The following TAFA4 variants were observed in gnomAD, a reference collection of about 807,000 sequenced individuals.
TAFA4 encodes TAFA chemokine like family member 4, also known as chemokine-like protein TAFA-4.
A neutral mutation model predicts 21.1 loss-of-function variants in TAFA4; 20 were observed. The observed-to-expected ratio is 0.95, with a 90% CI of 0.67 to 1.38. TAFA4 has a LOEUF of 1.38. TAFA4 is among the 40% of genes most tolerant of loss of function. The probability of loss-of-function intolerance (pLI) is 0.00; values close to 1 mark genes in which losing one functional copy is unlikely to be tolerated. For missense variants in TAFA4, 211 were observed against 180.9 expected (o/e 1.17, Z -0.95); for synonymous variants, 71 against 67.4 (o/e 1.05, Z -0.26).
chr3:68,870,028 A>G (rs1254095775), intron 3 of TAFA4, among the ~76,000 whole-genome samples: 3 of 152,130 alleles, frequency 2.0e-5, no homozygotes, highest in Non-Finnish European at 4.4e-5. Context: ...ATACAAAATT[A>G]ACATATAAAA....
At chr3:68,916,386 T>C (rs553986980) in intron 1 of TAFA4, among the ~76,000 whole-genome samples, 1 of 152,324 alleles carries the variant, frequency 6.6e-6, no homozygotes, top group African/African-American at 2.4e-5. Flanking sequence ...TTCCCAGAAA[T>C]GGCCCTCAGT....
chr3:68,820,785 T>C (rs1704096168), intron 3 of TAFA4, among the ~76,000 whole-genome samples: 1 of 152,210 alleles, frequency 6.6e-6, no homozygotes, highest in African/African-American at 2.4e-5. Flanking sequence ...CCACAATGTA[T>C]AGCTATATCA....
At chr3:68,868,495 T>C (rs563796238) in intron 3 of TAFA4, among the ~76,000 whole-genome samples, 6 of 152,104 alleles carry the variant, frequency 3.9e-5, no homozygotes, top group Admixed American at 1.3e-4. Context: ...AGGTCACATG[T>C]TGAGTGACAA....
intron 1 of TAFA4, among the ~76,000 whole-genome samples, chr3:68,893,436 G>A (rs991354125): frequency 1.3e-5 from 2 of 152,092 alleles, no homozygotes; most frequent in Non-Finnish European, 2.9e-5. Flanking sequence ...CTTGCATACC[G>A]TGGAAGTTAA....
chr3:68,743,766 C>T (rs1334740016), intron 4 of TAFA4, among the ~76,000 whole-genome samples: 1 of 152,102 alleles, frequency 6.6e-6, no homozygotes, highest in Non-Finnish European at 1.5e-5. Context: ...AAAACCAGAG[C>T]TTCCCTCAGA....
intron 3 of TAFA4, among the ~76,000 whole-genome samples, chr3:68,852,348 A>T (rs1388718784): frequency 6.6e-6 from 1 of 151,910 alleles, no homozygotes; most frequent in Non-Finnish European, 1.5e-5. Context: ...CCCAGAACAT[A>T]CTCGTATTTG....
At chr3:68,861,220 G>A (rs1384754178) in intron 3 of TAFA4, among the ~76,000 whole-genome samples, 1 of 151,692 alleles carries the variant, frequency 6.6e-6, no homozygotes, top group Admixed American at 6.6e-5. Context: ...ATTGCTAAGG[G>A]AATCCAGAAG....
At chr3:68,893,839 T>C (rs1486399075) in intron 1 of TAFA4, among the ~76,000 whole-genome samples, 1 of 152,210 alleles carries the variant, frequency 6.6e-6, no homozygotes, top group East Asian at 1.9e-4. Context: ...TGCCCTCCTG[T>C]GGACAAAACA....
chr3:68,861,591 C>T (rs1261514569), intron 3 of TAFA4, among the ~76,000 whole-genome samples: 2 of 152,026 alleles, frequency 1.3e-5, no homozygotes, highest in African/African-American at 2.4e-5. Flanking sequence ...GTAGTCAAAG[C>T]ACCCAAGGTG....
chr3:68,874,977 T>A (rs924307694), intron 3 of TAFA4, among the ~76,000 whole-genome samples: 4 of 152,140 alleles, frequency 2.6e-5, no homozygotes, highest in African/African-American at 7.2e-5. Flanking sequence ...AAGATGGCAC[T>A]GAAGAAATAT....
At chr3:68,743,704 G>T (rs1702401208) in intron 4 of TAFA4, among the ~76,000 whole-genome samples, 1 of 151,590 alleles carries the variant, frequency 6.6e-6, no homozygotes, top group African/African-American at 2.4e-5. Flanking sequence ...TCTTTTGATT[G>T]TCCCAACAAC....
intron 1 of TAFA4, among the ~76,000 whole-genome samples, chr3:68,898,821 C>A (rs1378118404): frequency 3.3e-5 from 5 of 152,066 alleles, no homozygotes; most frequent in African/African-American, 1.2e-4. Flanking sequence ...CGTTTACTTA[C>A]CCAAGTATAC....
intron 3 of TAFA4, among the ~76,000 whole-genome samples, chr3:68,871,825 G>C (rs368501232): frequency 6.6e-6 from 1 of 151,976 alleles, no homozygotes; most frequent in Non-Finnish European, 1.5e-5. Context: ...AATCAACAGG[G>C]AAATGCAAGT....
intron 3 of TAFA4, among the ~76,000 whole-genome samples, chr3:68,785,335 C>A (rs931119281): frequency 6.6e-6 from 1 of 152,224 alleles, no homozygotes; most frequent in Non-Finnish European, 1.5e-5. Context: ...CTTGGGTGGT[C>A]GATGGGACTG....
intron 3 of TAFA4, among the ~76,000 whole-genome samples, chr3:68,849,231 G>T (rs1335144038): frequency 6.6e-6 from 1 of 152,154 alleles, no homozygotes; most frequent in Non-Finnish European, 1.5e-5. Context: ...CCATATTTAA[G>T]ATCGACACAA....
At chr3:68,807,773 C>G (rs1703734645) in intron 3 of TAFA4, among the ~76,000 whole-genome samples, 1 of 152,208 alleles carries the variant, frequency 6.6e-6, no homozygotes, top group Non-Finnish European at 1.5e-5. Flanking sequence ...GTAGCTGCAT[C>G]ACCTACATAA....
At chr3:68,854,487 C>T (rs990455105) in intron 3 of TAFA4, among the ~76,000 whole-genome samples, 1 of 151,992 alleles carries the variant, frequency 6.6e-6, no homozygotes, top group Non-Finnish European at 1.5e-5. Context: ...GTCAAAAGGC[C>T]GTGTGTTCAC....
At chr3:68,833,347 T>C (rs1262812694) in intron 3 of TAFA4, among the ~76,000 whole-genome samples, 1 of 152,180 alleles carries the variant, frequency 6.6e-6, no homozygotes, top group Non-Finnish European at 1.5e-5. Context: ...AAATTTCTAT[T>C]TTAAAGAAAG....
intron 3 of TAFA4, among the ~76,000 whole-genome samples, chr3:68,775,959 T>C (rs1355388786): frequency 6.6e-6 from 1 of 152,094 alleles, no homozygotes; most frequent in Admixed American, 6.5e-5. Flanking sequence ...TGGAGCAAGA[T>C]CTTTGAAGTA....
Sources: allele counts gnomAD v4.1 joint callset (sites outside exome capture counted in the v4.1 genomes callset), GRCh38; gene constraint gnomAD v4.1.1; transcripts MANE v1.5; gene names NCBI Gene and HGNC (gene_info 2026-07-23, HGNC 2026-07-21).